The following MICU1 variants were observed in gnomAD, a reference collection of about 807,000 sequenced individuals.
MICU1 encodes calcium uptake protein 1, mitochondrial.
Under a neutral mutation model 56.8 loss-of-function variants are expected in MICU1, and 45 were observed. The ratio of observed to expected loss-of-function variants is 0.79; its 90% CI spans 0.62 to 1.02. The LOEUF (loss-of-function observed/expected upper bound fraction) is 1.02, where lower values mean the gene tolerates loss of function less well. MICU1 is among the 50% of genes least tolerant of loss of function. The pLI, the probability that MICU1 is intolerant of heterozygous loss-of-function variation, is 0.00. For missense variants in MICU1, 504 were observed against 587.1 expected, an observed-to-expected ratio of 0.86 and a Z score of 1.46; for synonymous variants, 186 against 195.1, an observed-to-expected ratio of 0.95 and a Z score of 0.39.
At chr10:72,602,927 G>C (rs1841579656) in intron 1 of MICU1, among the ~76,000 whole-genome samples, 1 of 152,124 alleles carries the variant, frequency 6.6e-6, no homozygotes, top group Admixed American at 6.5e-5. Context: ...CTAACATGGT[G>C]AAACACCGCC....
At chr10:72,530,015 A>C (rs1262636891) in intron 5 of MICU1, among the ~76,000 whole-genome samples, 1 of 146,778 alleles carries the variant, frequency 6.8e-6, no homozygotes, top group African/African-American at 2.5e-5. Flanking sequence ...TTTAGAAAGA[A>C]TCTATGACAT....
chr10:72,535,960 A>G (rs572762188), intron 4 of MICU1, among the ~76,000 whole-genome samples: 1 of 152,288 alleles, frequency 6.6e-6, no homozygotes, highest in East Asian at 1.9e-4. Flanking sequence ...CAGGAACAGA[A>G]AGTTAAACAC....
rs759795527 is a variant in MICU1 at position 72,533,710 on chromosome 10, T to C, written c.537+36A>G. ...ACTTAAAAATCTTCTTAGTAAATGA[T>C]AGGATATATGTATAGAAGTGTCATA... On this transcript the variant is annotated intron_variant, in intron 5 of 11. Transcript: ENST00000361114. The C allele has an allele frequency of 8.8e-6, 13 of 1,470,648 alleles. No individual in the cohort carries two copies. The East Asian group carries it at 3.0e-4, about 34-fold the overall frequency. The allele number at this position is 1,470,648 out of a possible 1,614,324, so 91.1% of individuals were successfully genotyped here. A position where few individuals can be genotyped will look rare whatever the true frequency, so the allele number is the denominator to read the frequency against.
intron 8 of MICU1, among the ~76,000 whole-genome samples, chr10:72,437,850 A>G (rs1049245419): frequency 2.0e-5 from 3 of 152,244 alleles, no homozygotes; most frequent in Non-Finnish European, 2.9e-5. Flanking sequence ...AGAGCTAACT[A>G]TCCTAAATAT....
At chr10:72,447,616 T>C (rs1453586693) in intron 8 of MICU1, among the ~76,000 whole-genome samples, 1 of 151,984 alleles carries the variant, frequency 6.6e-6, no homozygotes, top group Non-Finnish European at 1.5e-5. Context: ...AAGTTTTCTA[T>C]AGGAACAATT....
At chr10:72,409,542 T>A (rs1371612412) in intron 9 of MICU1, among the ~76,000 whole-genome samples, 1 of 152,146 alleles carries the variant, frequency 6.6e-6, no homozygotes, top group Non-Finnish European at 1.5e-5. Context: ...ATTTAAAAAG[T>A]TAGCCGAGTG....
chr10:72,487,290 A>C (rs1026676182), intron 6 of MICU1, among the ~76,000 whole-genome samples: 1 of 152,160 alleles, frequency 6.6e-6, no homozygotes, highest in African/African-American at 2.4e-5. Context: ...AGCACATACA[A>C]TTCTGACAGA....
intron 1 of MICU1, among the ~76,000 whole-genome samples, chr10:72,581,142 T>G (rs1564945820): frequency 6.6e-6 from 1 of 152,192 alleles, no homozygotes; most frequent in Non-Finnish European, 1.5e-5. Flanking sequence ...AACTGCAACC[T>G]AGAACAACTT....
intron 1 of MICU1, among the ~76,000 whole-genome samples, chr10:72,624,976 A>G (rs1257792772): frequency 1.3e-5 from 2 of 152,206 alleles, no homozygotes; most frequent in African/African-American, 4.8e-5. Flanking sequence ...GACGTTTATT[A>G]TTTGTCATAT....
intron 8 of MICU1, among the ~76,000 whole-genome samples, chr10:72,427,939 C>T (rs1389803024): frequency 6.6e-6 from 1 of 151,906 alleles, no homozygotes; most frequent in African/African-American, 2.4e-5. Context: ...CTGTGTTATG[C>T]CCATCTAAAG....
At chr10:72,566,836 G>C (rs1410548125) in intron 1 of MICU1, 42 bp from the exon 2 acceptor site, 1 of 1,526,942 alleles carries the variant, frequency 6.5e-7, no homozygotes, top group Non-Finnish European at 8.9e-7. Context: ...GCTAGTGGTA[G>C]TTATGATGAT....
intron 8 of MICU1, among the ~76,000 whole-genome samples, chr10:72,437,989 C>T (rs1310905811): frequency 7.9e-5 from 12 of 152,058 alleles, no homozygotes; most frequent in African/African-American, 2.9e-4. Flanking sequence ...GACAGATCAA[C>T]GAGACAGAAA....
At chr10:72,550,684 T>G (rs977121611) in intron 4 of MICU1, among the ~76,000 whole-genome samples, 1 of 152,238 alleles carries the variant, frequency 6.6e-6, no homozygotes, top group Non-Finnish European at 1.5e-5. Flanking sequence ...TTTTTAAACA[T>G]AGGTGTTTAT....
intron 8 of MICU1, among the ~76,000 whole-genome samples, chr10:72,474,238 C>T (rs1377022072): frequency 9.2e-6 from 1 of 109,266 alleles, no homozygotes; most frequent in Non-Finnish European, 1.7e-5. Flanking sequence ...TCCACCCTGG[C>T]TGATGGAGTA....
At chr10:72,624,592 T>C (rs1044782811) in intron 1 of MICU1, among the ~76,000 whole-genome samples, 2 of 152,248 alleles carry the variant, frequency 1.3e-5, no homozygotes, top group Non-Finnish European at 2.9e-5. Flanking sequence ...TTTTGTTCTC[T>C]TGCATTTATT....
intron 8 of MICU1, among the ~76,000 whole-genome samples, chr10:72,455,209 G>A (rs12356706): frequency 0.099 from 15,027 of 151,736 alleles, 907 homozygotes; most frequent in Middle Eastern, 0.22. Flanking sequence ...AAAATTAGCC[G>A]GATGTGGTGG....
intron 8 of MICU1, among the ~76,000 whole-genome samples, chr10:72,469,879 T>A (rs1165001317): frequency 6.6e-6 from 1 of 152,172 alleles, no homozygotes; most frequent in Non-Finnish European, 1.5e-5. Flanking sequence ...CTTCACATGA[T>A]TATCTCTTGG....
Position 72,413,712 on chromosome 10 carries a change from C to T in MICU1, c.1072-5675G>A, listed in dbSNP as rs542446841. ...TTGTGCCACTGCACTCCAGCCTGGG[C>T]GACAGAGGGAGACCCTGTCTCAAAA... On this transcript the variant is annotated intron_variant, in intron 9 of 11. Coordinates refer to ENST00000361114, the MANE Select transcript of MICU1 (RefSeq NM_001195518.2). Among the ~76,000 whole-genome samples, 14 of 151,524 alleles carry T rather than the reference C, an allele frequency of 9.2e-5. No individual in the cohort carries two copies. The South Asian group carries it at 1.0e-3, about 11-fold the overall frequency.
At chr10:72,492,534 G>T (rs1291353818) in intron 6 of MICU1, among the ~76,000 whole-genome samples, 1 of 151,748 alleles carries the variant, frequency 6.6e-6, no homozygotes, top group African/African-American at 2.4e-5. Flanking sequence ...AGGTTGAGGC[G>T]GATGGATCAC....
Sources: gnomAD v4.1 joint callset for allele counts (sites outside exome capture counted in the v4.1 genomes callset) on GRCh38, gnomAD v4.1.1 for gene constraint, MANE v1.5 for transcripts, NCBI Gene and HGNC (gene_info 2026-07-23, HGNC 2026-07-21) for gene names.